Variants in MYRIP observed in about 807,000 individuals in gnomAD.
MYRIP encodes the protein rab effector MyRIP.
MYRIP carries 49 observed loss-of-function variants against 98.0 expected under a neutral mutation model. The observed-to-expected ratio is 0.50, with a 90% CI of 0.40 to 0.63. MYRIP has a LOEUF of 0.63. Among genes scored for constraint, MYRIP ranks in the 30% least tolerant of loss-of-function variants. MYRIP has a pLI of 0.00. For synonymous variants in MYRIP, 404 were observed against 409.5 expected, an observed-to-expected ratio of 0.99 and a Z score of 0.16; for missense variants, 1,004 against 1,058.2, an observed-to-expected ratio of 0.95 and a Z score of 0.71.
chr3:39,937,590 C>T (rs887124048), intron 2 of MYRIP, among the ~76,000 whole-genome samples: 5 of 152,124 alleles, frequency 3.3e-5, no homozygotes, highest in Admixed American at 6.5e-5. Flanking sequence ...TTGGGCTTGG[C>T]CTTCATTTAT....
chr3:40,190,442 C>A lies in MYRIP; in HGVS notation c.1644C>A (p.Leu548=). Residue 548 remains leucine (L), a synonymous_variant, in exon 10 of 17, where the codon CTC becomes CTA. Coordinates refer to ENST00000302541, the MANE Select transcript of MYRIP (RefSeq NM_015460.4). Reference sequence around the variant, plus strand: ...AACCATCTTCCCCCAGCGCCCAGCTCCGGGATCTAGACACACATCAGGTAA... The same window carrying A: ...AACCATCTTCCCCCAGCGCCCAGCTACGGGATCTAGACACACATCAGGTAA... ...SKEPSSPSAQ[L]RDLDTHQVSD... is the part of the protein sequence containing the mutation. The A allele has an allele frequency of 6.3e-7, 1 of 1,598,624 alleles. No individual in the cohort carries two copies. The highest frequency in any genetic ancestry group is 8.5e-7 in the Non-Finnish European group (1 of 1,172,462).
chr3:40,161,644 T>C (rs1950397684), intron 4 of MYRIP, among the ~76,000 whole-genome samples: 1 of 152,130 alleles, frequency 6.6e-6, no homozygotes, highest in Non-Finnish European at 1.5e-5. Flanking sequence ...CACCCAAGTC[T>C]CTCCTGTTTT....
intron 3 of MYRIP, among the ~76,000 whole-genome samples, chr3:40,056,301 A>C (rs758734187): frequency 1.3e-5 from 2 of 152,140 alleles, no homozygotes; most frequent in Non-Finnish European, 2.9e-5. Context: ...CTTCACTATC[A>C]GTTTTCCTGA....
intron 1 of MYRIP, among the ~76,000 whole-genome samples, chr3:39,824,226 G>C (rs574601784): frequency 3.3e-5 from 5 of 152,024 alleles, no homozygotes; most frequent in African/African-American, 1.2e-4. Flanking sequence ...TGTTTTTATG[G>C]CAATATTATG....
At chr3:39,873,227 T>A (rs913367593) in intron 1 of MYRIP, among the ~76,000 whole-genome samples, 2 of 152,206 alleles carry the variant, frequency 1.3e-5, no homozygotes, top group African/African-American at 4.8e-5. Flanking sequence ...CATTGTAGAT[T>A]CTGGATATTA....
chr3:39,979,992 C>T (rs1367515898), intron 2 of MYRIP, among the ~76,000 whole-genome samples: 2 of 152,146 alleles, frequency 1.3e-5, no homozygotes, highest in Non-Finnish European at 2.9e-5. Flanking sequence ...AGCTCACATG[C>T]CAATGGGGAG....
chr3:39,944,570 T>C (rs1944858217), intron 2 of MYRIP, among the ~76,000 whole-genome samples: 2 of 152,092 alleles, frequency 1.3e-5, no homozygotes. Context: ...CACAGAGCTT[T>C]GATATGGGGA....
chr3:39,843,059 C>A (rs1439646301), intron 1 of MYRIP, among the ~76,000 whole-genome samples: 2 of 152,178 alleles, frequency 1.3e-5, no homozygotes, highest in Non-Finnish European at 2.9e-5. Context: ...GTTTGTGAAA[C>A]CCGCAGTGGA....
intron 3 of MYRIP, among the ~76,000 whole-genome samples, chr3:40,050,951 T>TG (rs1176692385): frequency 2.0e-5 from 3 of 152,126 alleles, no homozygotes; most frequent in African/African-American, 7.2e-5. Flanking sequence ...TGAGAAAACT[T>TG]GGACAGGTGA....
intron 9 of MYRIP, among the ~76,000 whole-genome samples, chr3:40,186,635 AG>A (rs1452085857): frequency 6.6e-6 from 1 of 152,224 alleles, no homozygotes; most frequent in African/African-American, 2.4e-5. Flanking sequence ...CCCCTGGGGC[AG>A]GCAACACAGG....
At chr3:39,899,791 T>C (rs866591696) in intron 1 of MYRIP, among the ~76,000 whole-genome samples, 1 of 152,314 alleles carries the variant, frequency 6.6e-6, no homozygotes. Context: ...GTAATTACCA[T>C]TGAAATTAAG....
intron 11 of MYRIP, among the ~76,000 whole-genome samples, chr3:40,214,596 A>G (rs1338324491): frequency 6.6e-6 from 1 of 152,198 alleles, no homozygotes; most frequent in Non-Finnish European, 1.5e-5. Flanking sequence ...CCAGCTGAAG[A>G]ACGAGCTTGG....
intron 3 of MYRIP, among the ~76,000 whole-genome samples, chr3:40,127,771 C>T (rs1421712295): frequency 3.3e-5 from 5 of 152,308 alleles, no homozygotes; most frequent in Middle Eastern, 6.8e-3. Flanking sequence ...CACGGTACAG[C>T]GTATTTCCTG....
chr3:39,951,875 TG>T (rs1196944519), intron 2 of MYRIP, among the ~76,000 whole-genome samples: 2 of 152,180 alleles, frequency 1.3e-5, no homozygotes, highest in Non-Finnish European at 2.9e-5. Context: ...GTTGCTATGA[TG>T]TTTTTCTTTT....
intron 4 of MYRIP, among the ~76,000 whole-genome samples, chr3:40,158,418 A>T (rs1359487240): frequency 1.3e-5 from 2 of 152,148 alleles, no homozygotes; most frequent in African/African-American, 4.8e-5. Context: ...ACTTCCAAGT[A>T]TGTGGTCAAT....
intron 2 of MYRIP, among the ~76,000 whole-genome samples, chr3:40,009,607 A>T (rs1026318173): frequency 6.6e-6 from 1 of 152,100 alleles, no homozygotes; most frequent in African/African-American, 2.4e-5. Flanking sequence ...AAGCAATCTG[A>T]GATGGGCTTC....
intron 12 of MYRIP, among the ~76,000 whole-genome samples, chr3:40,241,144 T>A (rs1206130542): frequency 6.6e-6 from 1 of 152,174 alleles, no homozygotes; most frequent in Non-Finnish European, 1.5e-5. Context: ...TGAGGATGTA[T>A]GCAGGGTTGT....
intron 8 of MYRIP, 47 bp downstream of exon 8, chr3:40,170,140 G>A (rs770436010): frequency 1.9e-6 from 3 of 1,604,504 alleles, no homozygotes; most frequent in African/African-American, 1.3e-5. Flanking sequence ...GTGCAGGTCT[G>A]GGGCACACAT....
At chr3:40,243,385 C>T (rs1002863857) in intron 12 of MYRIP, among the ~76,000 whole-genome samples, 65 of 133,304 alleles carry the variant, frequency 4.9e-4, no homozygotes, top group African/African-American at 1.8e-3. Context: ...CTCACCAACA[C>T]AGCATCACTA....
Sources: gnomAD v4.1 joint callset for allele counts (sites outside exome capture counted in the v4.1 genomes callset) on GRCh38, gnomAD v4.1.1 for gene constraint, MANE v1.5 for transcripts, NCBI Gene and HGNC (gene_info 2026-07-23, HGNC 2026-07-21) for gene names.